The following SYN3 variants were observed in gnomAD, a reference collection of about 807,000 sequenced individuals.
SYN3 encodes synapsin-3.
A neutral mutation model predicts 65.8 loss-of-function variants in SYN3; 35 were observed. The observed-to-expected ratio is 0.53, with a 90% CI of 0.41 to 0.70. The LOEUF (loss-of-function observed/expected upper bound fraction) is 0.70. Ranked by LOEUF, SYN3 falls within the 30% of genes least tolerant of loss-of-function variation. The pLI is 0.00. For missense variants in SYN3, 680 were observed against 749.0 expected (o/e 0.91, Z 1.08); for synonymous variants, 270 against 292.9 (o/e 0.92, Z 0.80).
At chr22:32,761,359 G>T (rs941450932) in intron 6 of SYN3, among the ~76,000 whole-genome samples, 1 of 152,158 alleles carries the variant, frequency 6.6e-6, no homozygotes, top group Non-Finnish European at 1.5e-5. Flanking sequence ...AGGGGTGGCC[G>T]ATAGAAGCCA....
chr22:32,781,398 C>A (rs949875237), intron 6 of SYN3, among the ~76,000 whole-genome samples: 4 of 152,090 alleles, frequency 2.6e-5, no homozygotes, highest in Non-Finnish European at 4.4e-5. Context: ...GCTTAGGGAG[C>A]AAGGCTATGT....
chr22:32,989,087 G>A (rs2052619038), intron 2 of SYN3, among the ~76,000 whole-genome samples: 1 of 152,176 alleles, frequency 6.6e-6, no homozygotes. Context: ...CTCCCCGATG[G>A]GCTGCAAGGG....
chr22:32,610,741 C>T (rs2059431499), intron 6 of SYN3, among the ~76,000 whole-genome samples: 1 of 152,190 alleles, frequency 6.6e-6, no homozygotes. Flanking sequence ...TGCCACCACG[C>T]CTGGCTAATT....
At position 33,009,751 on chromosome 22, in the gene SYN3, AACACACACACACACACACACAC is replaced by A. The variant is rs58156623; in HGVS notation, c.-162-2949_-162-2928del. On this transcript the variant is annotated intron_variant, in intron 1 of 13. Coordinates refer to ENST00000358763, the MANE Select transcript of SYN3 (RefSeq NM_003490.4). ...ATATCCTTTCATATATACGTATCTA[AACACACACACACACACACACAC>A]ACACACACACACACACACACTTATA... Among the ~76,000 whole-genome samples, 11 of 141,206 alleles carry A rather than the reference AACACACACACACACACACACAC, an allele frequency of 7.8e-5. No individual in the cohort carries two copies. The Admixed American group carries it at 7.8e-4, about 10-fold the overall frequency. The allele number at this position is 141,206 out of a possible 152,430, so 92.6% of individuals were successfully genotyped here. A position where few individuals can be genotyped will look rare whatever the true frequency, so the allele number is the denominator to read the frequency against.
intron 6 of SYN3, among the ~76,000 whole-genome samples, chr22:32,628,933 T>C (rs1342685628): frequency 6.6e-6 from 1 of 152,164 alleles, no homozygotes; most frequent in Non-Finnish European, 1.5e-5. Flanking sequence ...GGTGCCCTGT[T>C]GGGCTCTTTA....
intron 6 of SYN3, among the ~76,000 whole-genome samples, chr22:32,863,617 A>C (rs144393182): frequency 6.6e-6 from 1 of 152,270 alleles, no homozygotes; most frequent in Non-Finnish European, 1.5e-5. Context: ...CCTGACTTTC[A>C]TCCCACCATT....
chr22:32,777,894 G>C (rs1459896197), intron 6 of SYN3, among the ~76,000 whole-genome samples: 1 of 152,034 alleles, frequency 6.6e-6, no homozygotes, highest in African/African-American at 2.4e-5. Flanking sequence ...CTGACTACAT[G>C]TTGTACTAAA....
At chr22:32,809,920 A>G (rs532404704) in intron 6 of SYN3, among the ~76,000 whole-genome samples, 3 of 152,300 alleles carry the variant, frequency 2.0e-5, no homozygotes, top group African/African-American at 7.2e-5. Context: ...GGCAGGTCCC[A>G]TGCATTTACT....
intron 6 of SYN3, among the ~76,000 whole-genome samples, chr22:32,660,057 T>G (rs533027340): frequency 3.6e-4 from 55 of 152,292 alleles, no homozygotes; most frequent in African/African-American, 1.3e-3. Context: ...AAAGAACCCT[T>G]GCTATCATTC....
chr22:32,568,203 C>T (rs2058699671), intron 7 of SYN3, among the ~76,000 whole-genome samples: 1 of 152,160 alleles, frequency 6.6e-6, no homozygotes, highest in African/African-American at 2.4e-5. Context: ...CTCTTGTTTC[C>T]TTCCTGGAAT....
Position 32,509,512 on chromosome 22 carries a change from C to G in SYN3, c.*4180G>C, listed in dbSNP as rs1163980059. 6.6e-6 allele frequency among the ~76,000 whole-genome samples: 1 copy of G among 152,044 alleles called. No individual in the cohort carries two copies. The highest frequency in any genetic ancestry group is 1.5e-5 in the Non-Finnish European group (1 of 68,016). On this transcript the variant is annotated 3_prime_UTR_variant, in exon 14 of 14. Transcript: ENST00000358763. Reference sequence around the variant, plus strand: ...AGACTATTTTAGGGTCGCCATGAGACCTATGTGTCCTTGGTTCCTATGTTC... The same window carrying G: ...AGACTATTTTAGGGTCGCCATGAGAGCTATGTGTCCTTGGTTCCTATGTTC...
intron 4 of SYN3, among the ~76,000 whole-genome samples, chr22:32,905,083 A>G (rs149751700): frequency 2.7e-4 from 41 of 152,328 alleles, no homozygotes; most frequent in African/African-American, 9.9e-4. Context: ...TAAGTGAACT[A>G]AAGAGTCTCT....
At chr22:32,739,370 C>G (rs1031749197) in intron 6 of SYN3, among the ~76,000 whole-genome samples, 3 of 51,264 alleles carry the variant, frequency 5.9e-5, no homozygotes, top group African/African-American at 1.2e-4. Flanking sequence ...GTCCATTAAA[C>G]CCCCCCTTTT....
At chr22:32,650,874 G>C (rs974584107) in intron 6 of SYN3, among the ~76,000 whole-genome samples, 2 of 152,166 alleles carry the variant, frequency 1.3e-5, no homozygotes, top group Non-Finnish European at 2.9e-5. Flanking sequence ...ACAATACCAA[G>C]TATTCTTATG....
At position 32,906,481 on chromosome 22, in the gene SYN3, T is replaced by C. The variant is rs565627661; in HGVS notation, c.461+24909A>G. 2.6e-5 allele frequency among the ~76,000 whole-genome samples: 4 copies of C among 152,260 alleles called. No homozygotes were observed. In the East Asian group the frequency reaches 5.8e-4, roughly 22 times the overall value. On this transcript the variant is annotated intron_variant, in intron 4 of 13. Transcript: ENST00000358763. Reference sequence around the variant, plus strand: ...GTGATGCTTAACCCCAGGGGAAAAATAGTAAATATATTAATATCTTTTTTT... The same window carrying C: ...GTGATGCTTAACCCCAGGGGAAAAACAGTAAATATATTAATATCTTTTTTT...
chr22:32,628,725 G>A (rs574348902), intron 6 of SYN3, among the ~76,000 whole-genome samples: 1 of 152,102 alleles, frequency 6.6e-6, no homozygotes, highest in African/African-American at 2.4e-5. Flanking sequence ...TCCAGCCTGG[G>A]GCACAAGAGC....
chr22:33,002,660 A>C (rs2053092734), intron 2 of SYN3, among the ~76,000 whole-genome samples: 1 of 151,452 alleles, frequency 6.6e-6, no homozygotes, highest in South Asian at 2.1e-4. Flanking sequence ...ACAAAACAAA[A>C]CAAAAAAAAC....
intron 3 of SYN3, among the ~76,000 whole-genome samples, chr22:32,974,002 T>C (rs1387182135): frequency 6.6e-6 from 1 of 152,136 alleles, no homozygotes; most frequent in Non-Finnish European, 1.5e-5. Flanking sequence ...TTGGCTAGGC[T>C]GGTCTTGAAT....
chr22:32,931,363 G>C, intron 4 of SYN3, 27 bp downstream of exon 4: 1 of 1,493,398 alleles, frequency 6.7e-7, no homozygotes. Context: ...ATTCTCAGAA[G>C]GTTCTGCATA....
Sources: allele counts gnomAD v4.1 joint callset (sites outside exome capture counted in the v4.1 genomes callset), GRCh38; gene constraint gnomAD v4.1.1; transcripts MANE v1.5; gene names NCBI Gene and HGNC (gene_info 2026-07-23, HGNC 2026-07-21).